Variants in NOP14 observed in about 807,000 individuals in gnomAD.
NOP14 encodes NOP14 nucleolar protein.
Under a neutral mutation model 101.6 loss-of-function variants are expected in NOP14, and 57 were observed. The observed-to-expected ratio is 0.56, with a 90% CI of 0.45 to 0.70. The LOEUF is 0.70. Among genes scored for constraint, NOP14 ranks in the 30% least tolerant of loss-of-function variants. The pLI is 0.00. For missense variants in NOP14, 1,134 were observed against 1,075.5 expected (o/e 1.05, Z -0.76); for synonymous variants, 428 against 424.0 (o/e 1.01, Z -0.12).
chr4:2,953,418 T>C (rs1475977), intron 5 of NOP14, 93 bp downstream of exon 5: 558,258 of 1,396,242 alleles, frequency 0.4, 116,713 homozygotes, highest in African/African-American at 0.63. Flanking sequence ...AGGAGACAGG[T>C]AGAAGAGCCG....
rs113397535 is a variant in NOP14 at position 2,959,466 on chromosome 4, G to T, written c.196-1726C>A. On this transcript the variant is annotated intron_variant, in intron 1 of 17. Coordinates refer to ENST00000416614, the MANE Select transcript of NOP14 (RefSeq NM_001291978.2). The stretch of plus-strand genomic sequence containing the variant: ...AAATTAGCCGGGTGTGGTGGCGGGC[G>T]CCTGTAGTCCCAGCTACTCAGGAGG... Among the ~76,000 whole-genome samples, 7 of 152,156 alleles carry T rather than the reference G, an allele frequency of 4.6e-5. No homozygotes were observed. In the South Asian group the frequency reaches 8.3e-4, roughly 18 times the overall value.
intron 1 of NOP14, among the ~76,000 whole-genome samples, chr4:2,962,011 G>C (rs1339513993): frequency 6.6e-6 from 1 of 152,216 alleles, no homozygotes; most frequent in Non-Finnish European, 1.5e-5. Flanking sequence ...AGGTAAGGCA[G>C]ACCTTTTGGA....
At chr4:2,950,318 G>T (rs1714938820) in intron 7 of NOP14, 105 bp from the exon 8 acceptor site, 1 of 1,254,094 alleles carries the variant, frequency 8.0e-7, no homozygotes, top group Non-Finnish European at 1.1e-6. Flanking sequence ...TTTCTACGTG[G>T]TTGCAAGGAA....
intron 6 of NOP14, 95 bp from the exon 7 acceptor site, chr4:2,951,340 C>A: frequency 8.8e-7 from 1 of 1,140,474 alleles, no homozygotes; most frequent in Non-Finnish European, 1.3e-6. Flanking sequence ...GCTGGGCCTA[C>A]GGTCCTCCCA....
At chr4:2,946,384 G>A in intron 11 of NOP14, 28 bp downstream of exon 11, 2 of 1,612,596 alleles carry the variant, frequency 1.2e-6, no homozygotes, top group Non-Finnish European at 1.7e-6. Context: ...CTGTGGCAGG[G>A]GCAGTGCCTA....
chr4:2,961,404 C>G (rs1468895915), intron 1 of NOP14: 1 of 137,786 alleles, frequency 7.3e-6, no homozygotes. Context: ...AGACTGGCAC[C>G]TGGGGGCTGC....
In NOP14 at chr4:2,948,398, G is replaced by C; in HGVS notation, c.1293C>G (p.Ser431=). The C allele has an allele frequency of 6.2e-7, 1 of 1,608,600 alleles. No individual in the cohort carries two copies. Among genetic ancestry groups the C allele is most frequent in the Non-Finnish European group, 8.5e-7 (1 of 1,178,444 alleles). Residue 431 remains serine (S), a synonymous_variant, in exon 9 of 18, where the codon TCC becomes TCG. Coordinates refer to ENST00000416614, the MANE Select transcript of NOP14 (RefSeq NM_001291978.2). ...ACAACAGAGATCTCAGTTCCTCATA[G>C]GATTCAGGGGCTATCAAAAACACAA... is the stretch of plus-strand genomic sequence containing the variant. The part of the protein sequence containing the change: ...ELPYTFAAPE[S]YEELRSLLLG...
chr4:2,960,350 G>A (rs533206344), intron 1 of NOP14, among the ~76,000 whole-genome samples: 2 of 152,012 alleles, frequency 1.3e-5, no homozygotes, highest in South Asian at 4.2e-4. Context: ...GGGGTAGATG[G>A]GGCAGGCATC....
rs1393153221 is a variant in NOP14 at position 2,963,183 on chromosome 4, C to T, written c.137G>A (p.Arg46Gln). ...CAGTCCCACGTCGTGGCGCGTCTTC[C>T]GGCCCAGGATCTGGAACTTCTGCCT... Reference protein sequence around the residue: ...VNRQKFQILGRKTRHDVGLPG... With the variant: ...VNRQKFQILGQKTRHDVGLPG... The change falls in exon 1 of 18, where the codon CGG (arginine) becomes CAG (glutamine). Residue 46 changes from arginine (R) to glutamine (Q), a missense_variant. Arg to Gln is a conservative substitution (Grantham distance 43). Transcript: ENST00000416614. The T allele has an allele frequency of 6.3e-7, 1 of 1,580,778 alleles. No individual in the cohort carries two copies. Among genetic ancestry groups the T allele is most frequent in the African/African-American group, 1.4e-5 (1 of 71,158 alleles).
rs563031821 is a variant in NOP14, at chr4:2,948,616, G to A, written c.1283-208C>T. ...ATTACAGGCACTCGCCACCATGCCC[G>A]GCTAATTTTTGTATTTTCAGTAGAG... On this transcript the variant is annotated intron_variant, in intron 8 of 17. Transcript: ENST00000416614. 6.6e-5 allele frequency among the ~76,000 whole-genome samples: 10 copies of A among 152,162 alleles called. No individual in the cohort carries two copies. The East Asian group carries it at 1.4e-3, about 21-fold the overall frequency.
At chr4:2,948,193 G>A (rs918510217) in intron 9 of NOP14, 85 bp downstream of exon 9, 24 of 1,470,670 alleles carry the variant, frequency 1.6e-5, no homozygotes, top group Admixed American at 7.5e-5. Flanking sequence ...ACACATGGCC[G>A]TTGCACAACT....
intron 16 of NOP14, 37 bp from the exon 17 acceptor site, chr4:2,939,380 C>T: frequency 6.2e-7 from 1 of 1,612,950 alleles, no homozygotes; most frequent in Non-Finnish European, 8.5e-7. Flanking sequence ...AAGCAAGAGT[C>T]TGTCCCCACC....
intron 11 of NOP14, 125 bp from the exon 12 acceptor site, chr4:2,945,354 A>C: frequency 1.4e-6 from 1 of 710,048 alleles, no homozygotes; most frequent in Non-Finnish European, 2.4e-6. Flanking sequence ...CTTGGCCCAG[A>C]GCTCTGGCCT....
intron 17 of NOP14, 123 bp downstream of exon 17, chr4:2,939,065 G>A (rs745545064): frequency 2.6e-6 from 4 of 1,516,758 alleles, no homozygotes; most frequent in Non-Finnish European, 3.6e-6. Flanking sequence ...GAACCTGCCT[G>A]GCTCCAACCC....
In NOP14 at chr4:2,950,103, C is replaced by T. The variant is rs767854665; in HGVS notation, c.1113G>A (p.Glu371=). Residue 371 remains glutamate, a synonymous_variant, in exon 8 of 18, where the codon GAG becomes GAA. Coordinates refer to ENST00000416614, the MANE Select transcript of NOP14 (RefSeq NM_001291978.2). ...AGTGGCTATCTGGGCTGTCGCTCTC[C>T]TCTGTGTCCTCCCCGCCTGAACTGT... ...EGDSSGGEDT[E]ESDSPDSHLD... 6.2e-6 allele frequency: 10 copies of T among 1,614,006 alleles called. No individual in the cohort carries two copies. Among genetic ancestry groups the T allele is most frequent in the Admixed American group, 3.3e-5 (2 of 59,992 alleles).
At chr4:2,946,931 C>T (rs1212938546) in intron 10 of NOP14, 3 of 265,200 alleles carry the variant, frequency 1.1e-5, no homozygotes, top group African/African-American at 6.8e-5. Flanking sequence ...CTCCGCGCGG[C>T]ACAGGGCAGG....
chr4:2,945,750 C>G (rs1288646209), intron 11 of NOP14, among the ~76,000 whole-genome samples: 1 of 152,240 alleles, frequency 6.6e-6, no homozygotes, highest in Admixed American at 6.5e-5. Flanking sequence ...GGCTTGGGCC[C>G]TTAAGGACAA....
intron 11 of NOP14, among the ~76,000 whole-genome samples, chr4:2,945,500 G>C (rs1368481396): frequency 2.0e-5 from 3 of 152,290 alleles, no homozygotes; most frequent in Admixed American, 2.0e-4. Flanking sequence ...TTGGGGAGTT[G>C]ATTAAAAATC....
Position 2,938,633 on chromosome 4 carries a change from G to A in NOP14, c.*198C>T, listed in dbSNP as rs1577810472. 3.5e-6 allele frequency: 2 copies of A among 573,366 alleles called. No individual in the cohort carries two copies. The highest frequency in any genetic ancestry group is 6.0e-5 in the East Asian group (2 of 33,418). 35.5% of individuals were successfully genotyped at this position (573,366 alleles called of 1,614,324 possible). ...CAGTCCTCCTGCTTCAGCCTCCCGAGTAGTTGGGACTACAGGTGCGTGCCA... is the reference window on the plus strand; with the variant it reads ...CAGTCCTCCTGCTTCAGCCTCCCGAATAGTTGGGACTACAGGTGCGTGCCA... On this transcript the variant is annotated 3_prime_UTR_variant, in exon 18 of 18. Coordinates refer to ENST00000416614, the MANE Select transcript of NOP14 (RefSeq NM_001291978.2).
Sources: allele counts gnomAD v4.1 joint callset (sites outside exome capture counted in the v4.1 genomes callset), GRCh38; gene constraint gnomAD v4.1.1; transcripts MANE v1.5; gene names NCBI Gene and HGNC (gene_info 2026-07-23, HGNC 2026-07-21).